Variants in MSRA observed in about 807,000 individuals in gnomAD.
MSRA encodes the protein methionine sulfoxide reductase A.
Under a neutral mutation model 31.3 loss-of-function variants are expected in MSRA, and 54 were observed. That is an observed-to-expected ratio of 1.73 (90% CI 1.39 to 2.17). The LOEUF (loss-of-function observed/expected upper bound fraction) is 2.17. Ranked by LOEUF, MSRA falls within the 30% of genes most tolerant of loss-of-function variation. The pLI is 0.00. For synonymous variants in MSRA, 169 were observed against 116.5 expected (o/e 1.45, Z -2.90); for missense variants, 507 against 300.9 (o/e 1.69, Z -5.07).
chr8:10,414,816 A>G (rs527923259), intron 5 of MSRA, among the ~76,000 whole-genome samples: 2 of 152,364 alleles, frequency 1.3e-5, no homozygotes, highest in East Asian at 1.9e-4. Flanking sequence ...AATGCTAAGC[A>G]TATAACAAAA....
intron 1 of MSRA, among the ~76,000 whole-genome samples, chr8:10,127,968 T>A (rs1426561125): frequency 6.6e-6 from 1 of 152,068 alleles, no homozygotes; most frequent in Non-Finnish European, 1.5e-5. Flanking sequence ...GGGGCAGTGT[T>A]TCACACTGGG....
Position 10,054,490 on chromosome 8 carries a change from G to T in MSRA, c.-27G>T. On this transcript the variant is annotated 5_prime_UTR_variant, in exon 1 of 6. Coordinates refer to ENST00000317173, the MANE Select transcript of MSRA (RefSeq NM_012331.5). ...CCGCTGCCGGTAGCGCCGTCCCCCG[G>T]GACCACCCTTCGGCTGGCGCCCTCC... 1 of 1,553,000 alleles carries T rather than the reference G, an allele frequency of 6.4e-7. No individual in the cohort carries two copies. Among genetic ancestry groups the T allele is most frequent in the East Asian group, 2.7e-5 (1 of 37,124 alleles).
At chr8:10,111,838 C>G (rs994887958) in intron 1 of MSRA, among the ~76,000 whole-genome samples, 7 of 152,132 alleles carry the variant, frequency 4.6e-5, no homozygotes, top group Non-Finnish European at 8.8e-5. Context: ...TCATGTAGGT[C>G]TCACACAACT....
intron 5 of MSRA, among the ~76,000 whole-genome samples, chr8:10,363,738 C>CCACACAAACACACACA (rs1749100290): frequency 2.9e-5 from 3 of 103,288 alleles, no homozygotes; most frequent in Non-Finnish European, 5.8e-5. Context: ...GATGCAGTCA[C>CCACACAAACACACACA]CACACACACA....
intron 5 of MSRA, among the ~76,000 whole-genome samples, chr8:10,417,406 C>T (rs1005592783): frequency 1.8e-5 from 2 of 114,182 alleles, no homozygotes; most frequent in African/African-American, 3.1e-5. Context: ...AAGCACTCAT[C>T]CCTTCGTCAG....
At chr8:10,098,952 C>T (rs1314506687) in intron 1 of MSRA, among the ~76,000 whole-genome samples, 1 of 152,194 alleles carries the variant, frequency 6.6e-6, no homozygotes, top group Non-Finnish European at 1.5e-5. Flanking sequence ...CCTTTGTTTT[C>T]TGTTGTGAGA....
chr8:10,187,905 T>C (rs1234405628), intron 1 of MSRA, among the ~76,000 whole-genome samples: 1 of 152,242 alleles, frequency 6.6e-6, no homozygotes, highest in Non-Finnish European at 1.5e-5. Flanking sequence ...TGGGATTTAA[T>C]TTAATGAACA....
intron 5 of MSRA, among the ~76,000 whole-genome samples, chr8:10,348,892 G>A (rs1215103542): frequency 6.6e-6 from 1 of 152,092 alleles, no homozygotes; most frequent in Non-Finnish European, 1.5e-5. Context: ...CCAGCATGGT[G>A]GGAAAGAGGG....
chr8:10,111,332 G>C (rs1305490502), intron 1 of MSRA, among the ~76,000 whole-genome samples: 1 of 152,018 alleles, frequency 6.6e-6, no homozygotes, highest in South Asian at 2.1e-4. Context: ...CTCCACCCTT[G>C]CCCCCTCCCT....
chr8:10,162,766 G>C (rs1804774942), intron 1 of MSRA, among the ~76,000 whole-genome samples: 1 of 152,196 alleles, frequency 6.6e-6, no homozygotes, highest in African/African-American at 2.4e-5. Flanking sequence ...GGTAGGCACT[G>C]AAACCATTAC....
intron 1 of MSRA, among the ~76,000 whole-genome samples, chr8:10,149,465 C>T (rs1009600439): frequency 3.3e-5 from 5 of 152,228 alleles, no homozygotes; most frequent in Non-Finnish European, 5.9e-5. Flanking sequence ...GCCCTCCCTG[C>T]CCAGGCCCCT....
intron 3 of MSRA, among the ~76,000 whole-genome samples, chr8:10,265,726 A>C (rs180759544): frequency 2.6e-5 from 4 of 152,324 alleles, no homozygotes; most frequent in African/African-American, 9.6e-5. Flanking sequence ...TCCCCAAAAA[A>C]AGTTACCTCG....
intron 1 of MSRA, among the ~76,000 whole-genome samples, chr8:10,098,460 A>T (rs528536461): frequency 1.1e-4 from 17 of 152,342 alleles, no homozygotes; most frequent in Non-Finnish European, 2.5e-4. Flanking sequence ...TTATTCATTT[A>T]TTCAACAAAT....
intron 5 of MSRA, among the ~76,000 whole-genome samples, chr8:10,393,871 T>A (rs1286303506): frequency 1.3e-5 from 2 of 152,254 alleles, no homozygotes; most frequent in African/African-American, 2.4e-5. Flanking sequence ...GCTTTGTGCA[T>A]GTACATGCAT....
chr8:10,108,690 G>C (rs1387928194), intron 1 of MSRA, among the ~76,000 whole-genome samples: 1 of 152,190 alleles, frequency 6.6e-6, no homozygotes, highest in Non-Finnish European at 1.5e-5. Flanking sequence ...ATTCTGTGCA[G>C]TCCTCACGAG....
chr8:10,169,328 C>T (rs561001611), intron 1 of MSRA, among the ~76,000 whole-genome samples: 21 of 152,316 alleles, frequency 1.4e-4, no homozygotes, highest in African/African-American at 4.6e-4. Context: ...AGGGAAGTTT[C>T]GCAGGAAGGG....
chr8:10,330,294 AG>A (rs1802621104), intron 5 of MSRA, among the ~76,000 whole-genome samples: 1 of 152,126 alleles, frequency 6.6e-6, no homozygotes, highest in African/African-American at 2.4e-5. Context: ...TTTATGATCC[AG>A]AAAATAGTTT....
intron 1 of MSRA, among the ~76,000 whole-genome samples, chr8:10,146,967 G>T (rs1048647877): frequency 6.6e-6 from 1 of 152,218 alleles, no homozygotes; most frequent in African/African-American, 2.4e-5. Flanking sequence ...TCACAGACCT[G>T]TGGTAGATGG....
chr8:10,073,164 G>A (rs1797827455), intron 1 of MSRA, among the ~76,000 whole-genome samples: 1 of 152,014 alleles, frequency 6.6e-6, no homozygotes, highest in African/African-American at 2.4e-5. Context: ...AAAAAGTATT[G>A]AGAGCAGACA....
Sources: allele counts gnomAD v4.1 joint callset (sites outside exome capture counted in the v4.1 genomes callset), GRCh38; gene constraint gnomAD v4.1.1; transcripts MANE v1.5; gene names NCBI Gene and HGNC (gene_info 2026-07-23, HGNC 2026-07-21).